WDR47: variants seen among roughly 807,000 people sequenced by gnomAD.
The protein encoded by WDR47 is WD repeat-containing protein 47.
A neutral mutation model predicts 97.2 loss-of-function variants in WDR47; 32 were observed. That is an observed-to-expected ratio of 0.33 (90% CI 0.25 to 0.44). The LOEUF is 0.44. Ranked by LOEUF, WDR47 falls within the 20% of genes least tolerant of loss-of-function variation. WDR47 has a pLI of 1.00. For missense variants in WDR47, 782 were observed against 1,102.3 expected (o/e 0.71, Z 4.11); for synonymous variants, 375 against 373.5 (o/e 1.00, Z -0.05).
At chr1:109,005,723 T>A (rs1348165613) in intron 5 of WDR47, among the ~76,000 whole-genome samples, 1 of 150,992 alleles carries the variant, frequency 6.6e-6, no homozygotes, top group Admixed American at 6.6e-5. Context: ...AACACAAAAA[T>A]TTGTTGGGCG....
rs1303526940 is a variant in WDR47 at position 109,004,639 on chromosome 1, C to T, written c.1207G>A (p.Ala403Thr). Residue 403 changes from alanine to threonine, a missense_variant, in exon 6 of 15, where the codon GCA (alanine) becomes ACA (threonine). Coordinates refer to ENST00000369962, the MANE Select transcript of WDR47 (RefSeq NM_001142551.2). ...GGTCCTGGATTCTGTGCTCCATTTG[C>T]AGGCTCTTTTTCTGAAACTGAACTC... ...GQSSVSEKEP[A>T]NGAQNPGPAK... 41 of 1,613,472 alleles carry T rather than the reference C, an allele frequency of 2.5e-5. No individual in the cohort carries two copies. The highest frequency in any genetic ancestry group is 3.1e-5 in the Non-Finnish European group (37 of 1,179,794).
At chr1:109,013,428 T>G (rs1386825324) in intron 4 of WDR47, among the ~76,000 whole-genome samples, 1 of 151,562 alleles carries the variant, frequency 6.6e-6, no homozygotes, top group Non-Finnish European at 1.5e-5. Flanking sequence ...ATTTAAATAG[T>G]CATGAAGACA....
At chr1:108,972,662 C>T (rs771428527) in intron 14 of WDR47, among the ~76,000 whole-genome samples, 20 of 152,108 alleles carry the variant, frequency 1.3e-4, no homozygotes, top group Non-Finnish European at 2.2e-4. Context: ...TGTCTATAGG[C>T]CGGGCGCGGT....
At chr1:109,039,135 T>C (rs1663166707) in intron 1 of WDR47, among the ~76,000 whole-genome samples, 1 of 152,202 alleles carries the variant, frequency 6.6e-6, no homozygotes, top group Admixed American at 6.5e-5. Context: ...TAATGAGTGA[T>C]GAGCATTTAC....
At chr1:109,034,478 G>A (rs1662800021) in intron 1 of WDR47, among the ~76,000 whole-genome samples, 1 of 152,176 alleles carries the variant, frequency 6.6e-6, no homozygotes, top group Middle Eastern at 3.4e-3. Flanking sequence ...ATAAAACAGG[G>A]GTCCCCAACC....
At chr1:109,033,850 C>T (rs564914440) in intron 1 of WDR47, among the ~76,000 whole-genome samples, 27 of 152,040 alleles carry the variant, frequency 1.8e-4, no homozygotes, top group Non-Finnish European at 4.4e-5. Flanking sequence ...ACCAGGGAGT[C>T]GGAGGTTGCA....
At chr1:109,016,659 T>G (rs991527787) in intron 3 of WDR47, among the ~76,000 whole-genome samples, 1 of 152,156 alleles carries the variant, frequency 6.6e-6, no homozygotes, top group Admixed American at 6.6e-5. Flanking sequence ...GTTTGCATTT[T>G]GAGGCTACCT....
At chr1:109,033,593 T>C (rs183351516) in intron 1 of WDR47, among the ~76,000 whole-genome samples, 110 of 152,212 alleles carry the variant, frequency 7.2e-4, no homozygotes, top group Middle Eastern at 3.4e-3. Context: ...TTGGCAAGAG[T>C]GTGGGCAAAT....
chr1:108,999,401 C>T (rs1660007137), intron 7 of WDR47, among the ~76,000 whole-genome samples: 1 of 151,886 alleles, frequency 6.6e-6, no homozygotes, highest in Non-Finnish European at 1.5e-5. Flanking sequence ...ACCTAAATTA[C>T]AAGACAGAAT....
At chr1:109,005,692 T>TG (rs1660545511) in intron 5 of WDR47, among the ~76,000 whole-genome samples, 1 of 151,710 alleles carries the variant, frequency 6.6e-6, no homozygotes, top group African/African-American at 2.4e-5. Context: ...GCCAACATGG[T>TG]GAAAACCTGT....
intron 1 of WDR47, among the ~76,000 whole-genome samples, chr1:109,035,247 G>GAAA (rs1174235842): frequency 3.1e-5 from 2 of 64,868 alleles, no homozygotes; most frequent in Non-Finnish European, 6.3e-5. Context: ...CCCTGTCTCA[G>GAAA]AAAAAAAAAA....
Position 108,995,756 on chromosome 1 carries a change from A to T in WDR47, c.1515T>A (p.Asn505Lys). Residue 505 changes from asparagine (N) to lysine (K), a missense_variant, in exon 8 of 15, where the codon AAT becomes AAA. Asn to Lys is a moderately conservative substitution (Grantham distance 94, BLOSUM62 0). Transcript: ENST00000369962. ...CATTAGATCCATTGCCTTTGCTCCC[A>T]TTACATTGCTGGTTGAGTGCTGATA... ...NEVSALNQQC[N>K]GSKGNGSNGS... 2 of 1,614,128 alleles carry T rather than the reference A, an allele frequency of 1.2e-6. No individual in the cohort carries two copies. Among genetic ancestry groups the T allele is most frequent in the Non-Finnish European group, 1.7e-6 (2 of 1,180,016 alleles).
chr1:108,991,156 C>G (rs1412906100), intron 9 of WDR47, 98 bp downstream of exon 9: 1 of 1,164,686 alleles, frequency 8.6e-7, no homozygotes, highest in East Asian at 2.4e-5. Context: ...TACACCACCA[C>G]GTCTGACTAA....
chr1:108,974,463 T>TCA, intron 14 of WDR47, 73 bp downstream of exon 14: 1 of 1,207,160 alleles, frequency 8.3e-7, no homozygotes, highest in Non-Finnish European at 1.2e-6. Flanking sequence ...ATCAACCACA[T>TCA]CACATTAACA....
intron 1 of WDR47, among the ~76,000 whole-genome samples, chr1:109,025,430 CAAAAAA>C (rs34794200): frequency 4.9e-5 from 5 of 101,768 alleles, no homozygotes; most frequent in Non-Finnish European, 5.7e-5. Flanking sequence ...GACTCTGCCT[CAAAAAA>C]AAAAAAAAAA....
chr1:108,997,963 T>C (rs1028943595), intron 7 of WDR47, among the ~76,000 whole-genome samples: 1 of 152,100 alleles, frequency 6.6e-6, no homozygotes, highest in Admixed American at 6.6e-5. Context: ...ACATTAAACA[T>C]TGTTTATTTA....
At chr1:108,991,395 C>T in intron 8 of WDR47, 66 bp from the exon 9 acceptor site, 1 of 1,411,276 alleles carries the variant, frequency 7.1e-7, no homozygotes, top group Non-Finnish European at 9.9e-7. Context: ...ATTAATTTAC[C>T]CTTTCAAACA....
At chr1:109,019,382 CAAAAAAAAAAA>C (rs543984146) in intron 2 of WDR47, among the ~76,000 whole-genome samples, 5 of 61,462 alleles carry the variant, frequency 8.1e-5, no homozygotes, top group African/African-American at 1.2e-4. Flanking sequence ...GACTCTGTCT[CAAAAAAAAAAA>C]AAAAAAAAGC....
chr1:109,011,595 C>G lies in WDR47; in HGVS notation c.451G>C (p.Glu151Gln), dbSNP rs937880026. The change falls in exon 5 of 15, where the codon GAG (glutamate) becomes CAG (glutamine). Residue 151 changes from glutamate to glutamine, a missense_variant. By Grantham distance (29) the Glu-to-Gln change is conservative. This residue lies in a region of WDR47 where 428 missense variants were observed against 584.3 expected (regional missense o/e 0.73). Coordinates refer to ENST00000369962, the MANE Select transcript of WDR47 (RefSeq NM_001142551.2). Reference protein sequence around the residue: ...LTLPRLTNHAEFKDWNPSTAR... With the variant: ...LTLPRLTNHAQFKDWNPSTAR... ...GTGCTGGGATTCCAGTCCTTAAACT[C>G]GGCATGATTGGTCAGACGAGGCAAA... 1 of 1,614,008 alleles carries G rather than the reference C, an allele frequency of 6.2e-7. No individual in the cohort carries two copies. The highest frequency in any genetic ancestry group is 8.5e-7 in the Non-Finnish European group (1 of 1,180,042).
Sources: allele counts gnomAD v4.1 joint callset (sites outside exome capture counted in the v4.1 genomes callset), GRCh38; gene constraint gnomAD v4.1.1; regional missense constraint gnomAD v4.1.1; transcripts MANE v1.5; gene names NCBI Gene and HGNC (gene_info 2026-07-23, HGNC 2026-07-21).